FAM53B: variants seen among roughly 807,000 people sequenced by gnomAD.
FAM53B encodes the protein protein FAM53B.
A neutral mutation model predicts 32.7 loss-of-function variants in FAM53B; 12 were observed. The observed-to-expected ratio is 0.37, with a 90% confidence interval of 0.24 to 0.59. FAM53B has a LOEUF of 0.59. FAM53B is among the 20% of genes least tolerant of loss of function. The probability of loss-of-function intolerance (pLI) is 0.72; values close to 1 mark genes in which losing one functional copy is unlikely to be tolerated. For synonymous variants in FAM53B, 234 were observed against 228.7 expected (o/e 1.02, Z -0.21); for missense variants, 477 against 577.7 (o/e 0.83, Z 1.79).
intron 3 of FAM53B, among the ~76,000 whole-genome samples, chr10:124,685,930 C>A (rs1324158023): frequency 6.6e-6 from 1 of 152,192 alleles, no homozygotes; most frequent in African/African-American, 2.4e-5. Flanking sequence ...GCCACTGTTT[C>A]CGGGAAAGAA....
chr10:124,694,194 AGAG>A (rs1231690101), intron 3 of FAM53B, among the ~76,000 whole-genome samples: 1 of 152,240 alleles, frequency 6.6e-6, no homozygotes, highest in South Asian at 2.1e-4. Context: ...ACCCTGCTGA[AGAG>A]GAGAAGAGCC....
chr10:124,728,238 T>C (rs914623681), intron 1 of FAM53B, among the ~76,000 whole-genome samples: 3 of 152,180 alleles, frequency 2.0e-5, no homozygotes, highest in African/African-American at 7.2e-5. Flanking sequence ...AGCAGACCCA[T>C]ACAACTCCCA....
chr10:124,693,558 A>G (rs1352096712), intron 3 of FAM53B, among the ~76,000 whole-genome samples: 1 of 151,788 alleles, frequency 6.6e-6, no homozygotes, highest in Non-Finnish European at 1.5e-5. Flanking sequence ...CACACGGAGG[A>G]CTGGAGAGGT....
intron 2 of FAM53B, among the ~76,000 whole-genome samples, chr10:124,701,012 G>A (rs1949912082): frequency 6.6e-6 from 1 of 152,250 alleles, no homozygotes; most frequent in Admixed American, 6.5e-5. Flanking sequence ...TCTCAAAGAT[G>A]CGGATAGAGA....
rs146527506 is a variant in FAM53B at position 124,651,207 on chromosome 10, C to T, written c.907-27603G>A. ...ACAGGGAGACAGAGCCAGGTGGCCA[C>T]CACCTTGCCCTCAGACGCTCTGTTG... On this transcript the variant is annotated intron_variant, in intron 4 of 4. Coordinates refer to ENST00000337318, the MANE Select transcript of FAM53B (RefSeq NM_014661.4). The surrounding 1 kb of genome is among the most constrained non-coding windows in gnomAD (Gnocchi z 5.2). Among the ~76,000 whole-genome samples, 1 of 152,256 alleles carries T rather than the reference C, an allele frequency of 6.6e-6. No individual in the cohort carries two copies. Among genetic ancestry groups the T allele is most frequent in the Non-Finnish European group, 1.5e-5 (1 of 68,040 alleles).
In FAM53B at chr10:124,744,194, C is replaced by T. The variant is rs1485551704; in HGVS notation, c.-356G>A. On this transcript the variant is annotated 5_prime_UTR_variant, in exon 1 of 5. Coordinates refer to ENST00000337318, the MANE Select transcript of FAM53B (RefSeq NM_014661.4). ...TTGTCACTTCCTGAAGTGTTTGCAA[C>T]TCGTCCCTTTAACCGGCACCGGCCA... is the stretch of plus-strand genomic sequence containing the variant. 2 of 147,266 alleles carry T rather than the reference C, an allele frequency of 1.4e-5. No individual in the cohort carries two copies. The highest frequency in any genetic ancestry group is 1.5e-5 in the Non-Finnish European group (1 of 66,120). The allele number at this position is 147,266 out of a possible 1,614,324, so 9.1% of individuals were successfully genotyped here. A position where few individuals can be genotyped will look rare whatever the true frequency, so the allele number is the denominator to read the frequency against.
chr10:124,676,595 A>G lies in FAM53B; in HGVS notation c.906+5012T>C, dbSNP rs557974518. The stretch of plus-strand genomic sequence containing the variant: ...CCTCAAAGGCGGCCCCACCAGCACA[A>G]AAGATGGAAAGTGGAAGCTGGCTGG... On this transcript the variant is annotated intron_variant, in intron 4 of 4. Transcript: ENST00000337318. Among the ~76,000 whole-genome samples, 39 of 127,108 alleles carry G rather than the reference A, an allele frequency of 3.1e-4. 1 individual carries two copies. In the East Asian group the frequency reaches 8.2e-3, roughly 27 times the overall value. The allele number at this position is 127,108 out of a possible 152,430, so 83.4% of individuals were successfully genotyped here. A position where few individuals can be genotyped will look rare whatever the true frequency, so the allele number is the denominator to read the frequency against.
chr10:124,730,576 ATT>A (rs750441568), intron 1 of FAM53B, among the ~76,000 whole-genome samples: 3 of 152,254 alleles, frequency 2.0e-5, no homozygotes, highest in Non-Finnish European at 4.4e-5. Flanking sequence ...GTTCTCCCAG[ATT>A]TGGATTCTCC....
intron 4 of FAM53B, among the ~76,000 whole-genome samples, chr10:124,630,966 A>G (rs1421120262): frequency 6.6e-6 from 1 of 152,218 alleles, no homozygotes; most frequent in African/African-American, 2.4e-5. Context: ...TCTGTGGACA[A>G]GGTATCTTGC....
intron 3 of FAM53B, among the ~76,000 whole-genome samples, chr10:124,691,689 G>A (rs951655001): frequency 6.6e-6 from 1 of 152,256 alleles, no homozygotes; most frequent in Non-Finnish European, 1.5e-5. Context: ...CTGAATGGCT[G>A]CAATTAGCCA....
At chr10:124,732,263 G>C (rs1165601523) in intron 1 of FAM53B, among the ~76,000 whole-genome samples, 1 of 152,234 alleles carries the variant, frequency 6.6e-6, no homozygotes, top group Non-Finnish European at 1.5e-5. Context: ...CCAAAGCCTG[G>C]CCAGGCCAAT....
chr10:124,696,029 C>T (rs1003636878), intron 3 of FAM53B, 129 bp downstream of exon 3: 3 of 753,574 alleles, frequency 4.0e-6, no homozygotes, highest in African/African-American at 3.5e-5. Context: ...TTAAAACACA[C>T]AGAAGAGTCC....
chr10:124,661,056 T>A (rs1469441220), intron 4 of FAM53B, among the ~76,000 whole-genome samples: 2 of 130,510 alleles, frequency 1.5e-5, no homozygotes, highest in Middle Eastern at 4.3e-3. Flanking sequence ...CTACTGAAAT[T>A]AAAAAAAAAA....
In FAM53B at chr10:124,622,890, T is replaced by G; in HGVS notation, c.*352A>C. The G allele has an allele frequency of 4.9e-6, 1 of 202,132 alleles. No individual in the cohort carries two copies. The highest frequency in any genetic ancestry group is 1.0e-5 in the Non-Finnish European group (1 of 100,232). 12.5% of individuals were successfully genotyped at this position (202,132 alleles called of 1,614,324 possible). ...CTGACAGCCCCCACCACCAGGGGGA[T>G]ACAGAGCGGTGCCCAGCTCTGCCGG... On this transcript the variant is annotated 3_prime_UTR_variant, in exon 5 of 5. Transcript: ENST00000337318.
chr10:124,675,036 A>C (rs1285400002), intron 4 of FAM53B, among the ~76,000 whole-genome samples: 2 of 152,210 alleles, frequency 1.3e-5, no homozygotes, highest in African/African-American at 4.8e-5. Context: ...GTGGCACTAA[A>C]AGCTGCCTCC....
rs997184514 is a variant in FAM53B, at chr10:124,717,094, A to C, written c.-174-10207T>G. ...ACCCAAACAAAAGGCTGTGTGGCCT[A>C]GGTGGATCAAGCAGGACTTAGGGGA... On this transcript the variant is annotated intron_variant, in intron 1 of 4. Transcript: ENST00000337318. 1.4e-4 allele frequency among the ~76,000 whole-genome samples: 21 copies of C among 152,206 alleles called. 1 individual carries two copies. The highest frequency in any genetic ancestry group is 4.8e-4 in the African/African-American group (20 of 41,448).
chr10:124,704,649 G>A (rs1293282254), intron 2 of FAM53B, among the ~76,000 whole-genome samples: 1 of 152,186 alleles, frequency 6.6e-6, no homozygotes, highest in Non-Finnish European at 1.5e-5. Flanking sequence ...GAGCAGAGGG[G>A]GCAGAGTGGC....
intron 4 of FAM53B, among the ~76,000 whole-genome samples, chr10:124,626,072 G>A (rs1949346949): frequency 6.6e-6 from 1 of 152,268 alleles, no homozygotes. Flanking sequence ...TTGGGTGTCA[G>A]CCACATCTGT....
rs897946200 is a variant in FAM53B at position 124,651,707 on chromosome 10, G to T, written c.907-28103C>A. On this transcript the variant is annotated intron_variant, in intron 4 of 4. Transcript: ENST00000337318. This position sits in a 1 kb window ranked among gnomAD's most constrained non-coding sequence, Gnocchi z 5.2. ...CCGACCCTGGGGCCTGCCTGCTCTG[G>T]AGGGTCAAGGTCAGCAGAGCCCCAC... 1.3e-5 allele frequency among the ~76,000 whole-genome samples: 2 copies of T among 152,158 alleles called. No individual in the cohort carries two copies. The highest frequency in any genetic ancestry group is 2.9e-5 in the Non-Finnish European group (2 of 68,028).
Sources: allele counts gnomAD v4.1 joint callset (sites outside exome capture counted in the v4.1 genomes callset), GRCh38; gene constraint gnomAD v4.1.1; non-coding constraint Gnocchi (gnomAD v3.1); transcripts MANE v1.5; gene names NCBI Gene and HGNC (gene_info 2026-07-23, HGNC 2026-07-21).